MAP3K3: variants seen among roughly 807,000 people sequenced by gnomAD.
MAP3K3 encodes the protein mitogen-activated protein kinase kinase kinase 3.
MAP3K3 carries 12 observed loss-of-function variants against 80.9 expected under a neutral mutation model. The ratio of observed to expected loss-of-function variants is 0.15; its 90% CI spans 0.10 to 0.24. MAP3K3 has a LOEUF of 0.24. MAP3K3 is among the 10% of genes least tolerant of loss of function. The pLI, the probability that MAP3K3 is intolerant of heterozygous loss-of-function variation, is 1.00. For missense variants in MAP3K3, 596 were observed against 834.7 expected, an observed-to-expected ratio of 0.71 and a Z score of 3.52; for synonymous variants, 272 against 307.1, an observed-to-expected ratio of 0.89 and a Z score of 1.19.
Position 63,692,162 on chromosome 17 carries a change from C to T in MAP3K3, c.1475-80C>T. On this transcript the variant is annotated intron_variant, in intron 14 of 15. Coordinates refer to ENST00000361733, the MANE Select transcript of MAP3K3 (RefSeq NM_002401.5). The surrounding 1 kb of genome is among the most constrained non-coding windows in gnomAD (Gnocchi z 4.5). ...GGTAGCCCTGCCCTCTCCAGCAGCTCTCAGTGACCCGGGGGTGGGGAGGAT... is the reference window on the plus strand; with the variant it reads ...GGTAGCCCTGCCCTCTCCAGCAGCTTTCAGTGACCCGGGGGTGGGGAGGAT... 1 of 1,536,678 alleles carries T rather than the reference C, an allele frequency of 6.5e-7. No homozygotes were observed. The highest frequency in any genetic ancestry group is 8.9e-7 in the Non-Finnish European group (1 of 1,118,466).
chr17:63,675,328 ATAGT>A (rs1170243749), intron 6 of MAP3K3, among the ~76,000 whole-genome samples: 11 of 152,322 alleles, frequency 7.2e-5, no homozygotes, highest in East Asian at 3.9e-4. Flanking sequence ...AGTTTAGGAA[ATAGT>A]TAGTGGCCAA....
chr17:63,683,592 G>A lies in MAP3K3; in HGVS notation c.636+1693G>A, dbSNP rs562270668. ...GAGGCCAAGGAAGGCAGTGGTTGGG[G>A]ATTGCCAAGGTCCTCCCCCAGCGCC... On this transcript the variant is annotated intron_variant, in intron 7 of 15. Coordinates refer to ENST00000361733, the MANE Select transcript of MAP3K3 (RefSeq NM_002401.5). 3.9e-5 allele frequency among the ~76,000 whole-genome samples: 6 copies of A among 152,296 alleles called. 1 individual carries two copies. The highest frequency in any genetic ancestry group is 1.4e-4 in the African/African-American group (6 of 41,566).
intron 2 of MAP3K3, chr17:63,637,208 AAAAG>A (rs2034347458): frequency 4.0e-6 from 1 of 249,708 alleles, no homozygotes; most frequent in Non-Finnish European, 7.8e-6. Flanking sequence ...AAAAAAAAAA[AAAAG>A]AGTACTGGCC....
At position 63,692,959 on chromosome 17, in the gene MAP3K3, G is replaced by A. The variant is rs2035623485; in HGVS notation, c.1652+540G>A. On this transcript the variant is annotated intron_variant, in intron 15 of 15. Transcript: ENST00000361733. This position sits in a 1 kb window ranked among gnomAD's most constrained non-coding sequence, Gnocchi z 4.5. ...AGGATTAGGTTAAGGGTTTTGAGAT[G>A]GATGGATTATCCTGGATTAAGGGTC... is the stretch of plus-strand genomic sequence containing the variant. 6.6e-6 allele frequency among the ~76,000 whole-genome samples: 1 copy of A among 152,174 alleles called. No individual in the cohort carries two copies. The highest frequency in any genetic ancestry group is 2.4e-5 in the African/African-American group (1 of 41,442).
At chr17:63,648,674 G>T (rs2143313057) in intron 3 of MAP3K3, among the ~76,000 whole-genome samples, 1 of 152,186 alleles carries the variant, frequency 6.6e-6, no homozygotes, top group East Asian at 1.9e-4. Context: ...AATTAGCCGG[G>T]CGTGGTGGCC....
chr17:63,632,729 A>G lies in MAP3K3; in HGVS notation c.53A>G (p.Gln18Arg). 1 of 1,614,164 alleles carries G rather than the reference A, an allele frequency of 6.2e-7. No homozygotes were observed. The highest frequency in any genetic ancestry group is 1.1e-5 in the South Asian group (1 of 91,082). ...ATCATGAACGATCTGGTGGCCCTCC[A>G]GATGAACCGACGTCACCGGATGCCT... is the stretch of plus-strand genomic sequence containing the variant. ...NSIMNDLVALQMNRRHRMPGY... is the reference protein window; with the variant it reads ...NSIMNDLVALRMNRRHRMPGY... Residue 18 changes from glutamine (Q) to arginine (R), a missense_variant, in exon 2 of 16, where the codon CAG (glutamine) becomes CGG (arginine). Transcript: ENST00000361733.
chr17:63,640,949 C>G (rs1337406115), intron 2 of MAP3K3, among the ~76,000 whole-genome samples: 1 of 152,188 alleles, frequency 6.6e-6, no homozygotes, highest in Non-Finnish European at 1.5e-5. Flanking sequence ...TCAGACACCC[C>G]CCACTCCACT....
At chr17:63,627,133 A>G (rs949081265) in intron 1 of MAP3K3, among the ~76,000 whole-genome samples, 5 of 152,196 alleles carry the variant, frequency 3.3e-5, no homozygotes, top group East Asian at 1.9e-4. Flanking sequence ...CAGCCTCCAT[A>G]CCACAGGTTG....
intron 3 of MAP3K3, among the ~76,000 whole-genome samples, chr17:63,652,313 G>A (rs1315019369): frequency 6.6e-6 from 1 of 152,094 alleles, no homozygotes; most frequent in Non-Finnish European, 1.5e-5. Context: ...AGCTGAAGTG[G>A]TAGATGAATG....
chr17:63,649,039 A>T (rs967930596), intron 3 of MAP3K3, among the ~76,000 whole-genome samples: 1 of 152,208 alleles, frequency 6.6e-6, no homozygotes, highest in East Asian at 1.9e-4. Context: ...TATAATGGAA[A>T]TGTTCTATAT....
chr17:63,654,796 G>C (rs2034730188), intron 4 of MAP3K3, among the ~76,000 whole-genome samples: 1 of 152,148 alleles, frequency 6.6e-6, no homozygotes, highest in Non-Finnish European at 1.5e-5. Context: ...CCAGCACTTT[G>C]GGAGGCTGAG....
intron 2 of MAP3K3, chr17:63,634,615 C>T: frequency 9.7e-7 from 1 of 1,025,792 alleles, no homozygotes; most frequent in Non-Finnish European, 1.5e-6. Context: ...ACAAGAGGTA[C>T]TAGATCTTTG....
intron 2 of MAP3K3, chr17:63,634,656 T>C: frequency 6.9e-7 from 1 of 1,449,142 alleles, no homozygotes; most frequent in Non-Finnish European, 9.6e-7. Flanking sequence ...GTTGTCAAAC[T>C]TATGTTGCAC....
chr17:63,638,226 TA>T (rs1381406801), intron 2 of MAP3K3, among the ~76,000 whole-genome samples: 17 of 152,214 alleles, frequency 1.1e-4, no homozygotes, highest in Non-Finnish European at 2.5e-4. Flanking sequence ...ATTTTTGTTG[TA>T]TTTTTTTTTC....
rs886917699 is a variant in MAP3K3 at position 63,691,437 on chromosome 17, G to C, written c.1344+204G>C. On this transcript the variant is annotated intron_variant, in intron 13 of 15. Coordinates refer to ENST00000361733, the MANE Select transcript of MAP3K3 (RefSeq NM_002401.5). This position sits in a 1 kb window ranked among gnomAD's most constrained non-coding sequence, Gnocchi z 4.8. ...GCAGTGGGAGTATGAGATGACAGCTGTCCTAGGTCCAGCACTCCCCTGAGG... is the reference window on the plus strand; with the variant it reads ...GCAGTGGGAGTATGAGATGACAGCTCTCCTAGGTCCAGCACTCCCCTGAGG... Among the ~76,000 whole-genome samples the C allele has an allele frequency of 1.3e-5, 2 of 152,176 alleles. No homozygotes were observed. Among genetic ancestry groups the C allele is most frequent in the Admixed American group, 1.3e-4 (2 of 15,290 alleles).
intron 6 of MAP3K3, among the ~76,000 whole-genome samples, chr17:63,669,261 G>A (rs1409367474): frequency 6.6e-6 from 1 of 152,078 alleles, no homozygotes; most frequent in East Asian, 1.9e-4. Flanking sequence ...AGAGAGGAGA[G>A]GGCTTTTAGA....
intron 1 of MAP3K3, among the ~76,000 whole-genome samples, chr17:63,631,883 C>T (rs1446500215): frequency 6.6e-6 from 1 of 152,114 alleles, no homozygotes. Context: ...AAATGCTAGG[C>T]TTGTAAAACA....
At chr17:63,676,694 T>C (rs1413190370) in intron 6 of MAP3K3, among the ~76,000 whole-genome samples, 1 of 152,168 alleles carries the variant, frequency 6.6e-6, no homozygotes, top group African/African-American at 2.4e-5. Context: ...AGAAGCAGCC[T>C]CTAGGTTAAG....
rs149214625 is a variant in MAP3K3, at chr17:63,663,281, T to A, written c.382-3659T>A. On this transcript the variant is annotated intron_variant, in intron 5 of 15. Coordinates refer to ENST00000361733, the MANE Select transcript of MAP3K3 (RefSeq NM_002401.5). ...ACTTTGGGAGGCTGAGGTAGGTGGATCCCTTGAGGTCAGGAATTTGATACC... is the reference window on the plus strand; with the variant it reads ...ACTTTGGGAGGCTGAGGTAGGTGGAACCCTTGAGGTCAGGAATTTGATACC... Among the ~76,000 whole-genome samples, 442 of 152,140 alleles carry A rather than the reference T, an allele frequency of 2.9e-3. 14 individuals carry two copies. The East Asian group carries it at 0.072, about 25-fold the overall frequency.
Sources: allele counts gnomAD v4.1 joint callset (sites outside exome capture counted in the v4.1 genomes callset), GRCh38; gene constraint gnomAD v4.1.1; non-coding constraint Gnocchi (gnomAD v3.1); transcripts MANE v1.5; gene names NCBI Gene and HGNC (gene_info 2026-07-23, HGNC 2026-07-21).